IL1RAPL1: variants seen among roughly 807,000 people sequenced by gnomAD.
The protein encoded by IL1RAPL1 is interleukin 1 receptor accessory protein like 1, also known as interleukin-1 receptor accessory protein-like 1.
Under a neutral mutation model 48.4 loss-of-function variants are expected in IL1RAPL1, and 3 were observed. The observed-to-expected ratio is 0.06, with a 90% CI of 0.03 to 0.16. The LOEUF is 0.16. Among genes scored for constraint, IL1RAPL1 ranks in the 10% least tolerant of loss-of-function variants. IL1RAPL1 has a pLI of 1.00. For synonymous variants in IL1RAPL1, 185 were observed against 187.7 expected (o/e 0.99, Z 0.12); for missense variants, 349 against 530.6 (o/e 0.66, Z 3.36).
At chrX:29,638,025 A>G (rs550607154) in intron 5 of IL1RAPL1, among the ~76,000 whole-genome samples, 1 of 112,197 alleles carries the variant, frequency 8.9e-6, no homozygotes, top group East Asian at 2.8e-4. Context: ...GTAATAATAT[A>G]CATGGTCCTA....
At chrX:29,604,409 A>G (rs1923823037) in intron 5 of IL1RAPL1, among the ~76,000 whole-genome samples, 1 of 112,218 alleles carries the variant, frequency 8.9e-6, no homozygotes, top group Admixed American at 9.5e-5. Context: ...TTTGGAAGTC[A>G]GTGGAATAAA....
At chrX:29,382,636 G>GTTTTTTTCT (rs1297657256) in intron 3 of IL1RAPL1, among the ~76,000 whole-genome samples, 2 of 112,095 alleles carry the variant, frequency 1.8e-5, no homozygotes, top group East Asian at 5.6e-4. Flanking sequence ...ACTGAGAAAA[G>GTTTTTTTCT]AGAGCAGAGT....
At chrX:29,334,067 G>GGGGGGCTGGCCGGGCT (rs1932934386) in intron 3 of IL1RAPL1, among the ~76,000 whole-genome samples, 1 of 80,528 alleles carries the variant, frequency 1.2e-5, no homozygotes, top group East Asian at 3.7e-4. Context: ...CTGGCCGGGC[G>GGGGGGCTGGCCGGGCT]GGGGGCTGAC....
At chrX:28,897,679 T>TC (rs1256451732) in intron 2 of IL1RAPL1, among the ~76,000 whole-genome samples, 3 of 111,154 alleles carry the variant, frequency 2.7e-5, no homozygotes, top group East Asian at 5.7e-4. Flanking sequence ...CCAAGGGAGT[T>TC]CCCCCCTCCC....
chrX:29,831,079 T>G (rs953142622), intron 6 of IL1RAPL1, among the ~76,000 whole-genome samples: 1 of 111,877 alleles, frequency 8.9e-6, no homozygotes, highest in Non-Finnish European at 1.9e-5. Context: ...AGGGACTCTG[T>G]CTTGTTCACA....
At chrX:29,396,162 T>A in intron 3 of IL1RAPL1, 96 bp from the exon 4 acceptor site, 1 of 692,699 alleles carries the variant, frequency 1.4e-6, no homozygotes, top group Non-Finnish European at 2.3e-6. Context: ...AACAGTGAAG[T>A]TTTTGCTTTT....
At chrX:29,802,992 T>TGTATGCATATATGTGTAC (rs1930029527) in intron 6 of IL1RAPL1, among the ~76,000 whole-genome samples, 1 of 58,783 alleles carries the variant, frequency 1.7e-5, no homozygotes, top group African/African-American at 7.7e-5. Context: ...TGTGTACATA[T>TGTATGCATATATGTGTAC]ATATGTATGC....
intron 2 of IL1RAPL1, among the ~76,000 whole-genome samples, chrX:28,865,438 CA>C (rs146883962): frequency 0.13 from 10,441 of 83,353 alleles, 465 homozygotes; most frequent in Middle Eastern, 0.3. Flanking sequence ...GACCCTGTCT[CA>C]AAAAAAAAAA....
intron 1 of IL1RAPL1, among the ~76,000 whole-genome samples, chrX:28,682,742 A>T (rs1242066841): frequency 8.9e-6 from 1 of 112,462 alleles, no homozygotes; most frequent in Non-Finnish European, 1.9e-5. Flanking sequence ...AGATTTGAAT[A>T]ATCACAAATT....
chrX:28,667,696 A>T (rs1934897249), intron 1 of IL1RAPL1, among the ~76,000 whole-genome samples: 1 of 112,403 alleles, frequency 8.9e-6, no homozygotes, highest in East Asian at 2.8e-4. Context: ...TGTAAACAAC[A>T]GAAACTTATT....
intron 2 of IL1RAPL1, among the ~76,000 whole-genome samples, chrX:28,935,145 A>G (rs1569202923): frequency 9.2e-6 from 1 of 109,163 alleles, no homozygotes; most frequent in Non-Finnish European, 1.9e-5. Context: ...AGTCTACTTT[A>G]TTTTTTTTTA....
chrX:29,665,648 C>A (rs779389275), intron 5 of IL1RAPL1, among the ~76,000 whole-genome samples: 53 of 112,423 alleles, frequency 4.7e-4, no homozygotes, highest in African/African-American at 1.6e-3. Flanking sequence ...TTAGCAGTCA[C>A]CTCCTTTTCA....
chrX:28,902,920 T>C (rs1261318757), intron 2 of IL1RAPL1, among the ~76,000 whole-genome samples: 1 of 110,906 alleles, frequency 9.0e-6, no homozygotes, highest in East Asian at 2.9e-4. Context: ...CTTATGAGAA[T>C]CTAATGCCTG....
In IL1RAPL1 at chrX:29,233,146, C is replaced by T. The variant is rs368878601; in HGVS notation, c.83-49792C>T. ...GATATTTTAAATTAAATTGAAGATA[C>T]TCTATCACAACTTAACATTCTTATG... is the stretch of plus-strand genomic sequence containing the variant. On this transcript the variant is annotated intron_variant, in intron 2 of 10. Transcript: ENST00000378993. Among the ~76,000 whole-genome samples the T allele has an allele frequency of 1.2e-4, 13 of 111,578 alleles. 1 individual carries two copies. The highest frequency in any genetic ancestry group is 4.2e-4 in the African/African-American group (13 of 30,660).
chrX:29,202,344 A>C (rs1422550058), intron 2 of IL1RAPL1, among the ~76,000 whole-genome samples: 1 of 111,939 alleles, frequency 8.9e-6, no homozygotes, highest in African/African-American at 3.3e-5. Context: ...GGCTATTATC[A>C]AAAATTTAAA....
At chrX:29,702,847 A>G (rs1271761991) in intron 6 of IL1RAPL1, among the ~76,000 whole-genome samples, 1 of 112,478 alleles carries the variant, frequency 8.9e-6, no homozygotes, top group Non-Finnish European at 1.9e-5. Context: ...AAGAAAAAGC[A>G]ATCATAAACT....
chrX:29,769,035 C>G (rs1928983155), intron 6 of IL1RAPL1, among the ~76,000 whole-genome samples: 1 of 110,957 alleles, frequency 9.0e-6, no homozygotes, highest in African/African-American at 3.3e-5. Flanking sequence ...CAGTAACTCC[C>G]CCATTCCCTC....
chrX:29,086,247 C>A (rs527965698), intron 2 of IL1RAPL1, among the ~76,000 whole-genome samples: 23 of 112,263 alleles, frequency 2.0e-4, no homozygotes, highest in African/African-American at 7.1e-4. Context: ...AGCATCCCTA[C>A]GTTTAGTCTG....
At chrX:29,363,166 A>G (rs903957431) in intron 3 of IL1RAPL1, among the ~76,000 whole-genome samples, 2 of 111,852 alleles carry the variant, frequency 1.8e-5, no homozygotes, top group Non-Finnish European at 3.8e-5. Context: ...TTTGTATGCC[A>G]CATCTATTTC....
Sources: allele counts gnomAD v4.1 joint callset (sites outside exome capture counted in the v4.1 genomes callset), GRCh38; gene constraint gnomAD v4.1.1; transcripts MANE v1.5; gene names NCBI Gene and HGNC (gene_info 2026-07-23, HGNC 2026-07-21).